The following RBM46 variants were observed in gnomAD, a reference collection of about 807,000 sequenced individuals.
RBM46 encodes the protein RNA binding motif protein 46.
A neutral mutation model predicts 43.3 loss-of-function variants in RBM46; 12 were observed. The ratio of observed to expected loss-of-function variants is 0.28; its 90% CI spans 0.18 to 0.45. The LOEUF (loss-of-function observed/expected upper bound fraction) is 0.45. Ranked by LOEUF, RBM46 falls within the 20% of genes least tolerant of loss-of-function variation. RBM46 has a pLI of 1.00. For missense variants in RBM46, 412 were observed against 639.1 expected, an observed-to-expected ratio of 0.64 and a Z score of 3.83; for synonymous variants, 205 against 207.6, an observed-to-expected ratio of 0.99 and a Z score of 0.11.
intron 4 of RBM46, among the ~76,000 whole-genome samples, chr4:154,810,995 ATACT>A (rs1380345264): frequency 6.6e-6 from 1 of 152,210 alleles, no homozygotes; most frequent in Non-Finnish European, 1.5e-5. Flanking sequence ...CCTTCAACAA[ATACT>A]TACCTAAGGC....
rs536463328 is a variant in RBM46 at position 154,796,728 on chromosome 4, A to T, written c.-11-14A>T. The T allele has an allele frequency of 6.6e-5, 104 of 1,567,820 alleles. 1 individual carries two copies. The highest frequency in any genetic ancestry group is 8.6e-5 in the Non-Finnish European group (99 of 1,151,870). ...TGTTGTAAACTTAACCAGTGTTATT[A>T]AACTTTATTTTAGGAACTGCAACCA... is the stretch of plus-strand genomic sequence containing the variant. On this transcript the variant is annotated splice_polypyrimidine_tract_variant and intron_variant, in intron 1 of 4. Coordinates refer to ENST00000281722, the MANE Select transcript of RBM46 (RefSeq NM_144979.5).
chr4:154,799,498 G>C lies in RBM46; in HGVS notation c.1336G>C (p.Asp446His). The change falls in exon 4 of 5, where the codon GAC becomes CAC. Residue 446 changes from aspartate to histidine, a missense_variant. Asp to His is a moderately conservative substitution (Grantham distance 81). Coordinates refer to ENST00000281722, the MANE Select transcript of RBM46 (RefSeq NM_144979.5). ...ANGSQSYFMP[D>H]KLCTTLEDAK... ...TGGATCCCAGAGTTACTTCATGCCA[G>C]ACAAACTCTGTACTACGTTAGAAGA... The C allele has an allele frequency of 6.2e-7, 1 of 1,612,034 alleles. No homozygotes were observed. The highest frequency in any genetic ancestry group is 1.7e-4 in the Middle Eastern group (1 of 6,054).
intron 4 of RBM46, among the ~76,000 whole-genome samples, chr4:154,822,433 A>C (rs1735761315): frequency 6.6e-6 from 1 of 151,842 alleles, no homozygotes; most frequent in Non-Finnish European, 1.5e-5. Context: ...CTATACTAGA[A>C]TAGAAAGTAC....
intron 1 of RBM46, among the ~76,000 whole-genome samples, chr4:154,786,646 A>C (rs1733784782): frequency 6.6e-6 from 1 of 151,506 alleles, no homozygotes; most frequent in South Asian, 2.1e-4. Context: ...AAAAAACAGT[A>C]GGCCAGGTGC....
chr4:154,794,820 C>T (rs974762895), intron 1 of RBM46, among the ~76,000 whole-genome samples: 3 of 152,098 alleles, frequency 2.0e-5, no homozygotes, highest in African/African-American at 7.2e-5. Context: ...CCCTTGTCAA[C>T]CTTCCACTGA....
chr4:154,803,957 A>T (rs1201312386), intron 4 of RBM46, among the ~76,000 whole-genome samples: 1 of 152,074 alleles, frequency 6.6e-6, no homozygotes, highest in Non-Finnish European at 1.5e-5. Flanking sequence ...CTGTCTTCGC[A>T]ATGGTGAATG....
intron 1 of RBM46, among the ~76,000 whole-genome samples, chr4:154,785,248 GTATGGACTGGCATGT>G (rs1328448805): frequency 1.3e-5 from 2 of 151,950 alleles, no homozygotes; most frequent in Non-Finnish European, 2.9e-5. Context: ...CCTTTAATGT[GTATGGACTGGCATGT>G]TATTTCATTG....
chr4:154,818,632 T>TA (rs1735578014), intron 4 of RBM46, among the ~76,000 whole-genome samples: 1 of 152,214 alleles, frequency 6.6e-6, no homozygotes, highest in South Asian at 2.1e-4. Flanking sequence ...ATTAATGTAT[T>TA]AGTAAGTTCT....
At chr4:154,783,600 A>T (rs1733612951) in intron 1 of RBM46, among the ~76,000 whole-genome samples, 1 of 152,340 alleles carries the variant, frequency 6.6e-6, no homozygotes, top group Non-Finnish European at 1.5e-5. Flanking sequence ...TTGTGTAAGG[A>T]ATGGTGTACT....
chr4:154,802,094 T>TA (rs1176286836), intron 4 of RBM46, among the ~76,000 whole-genome samples: 2 of 152,206 alleles, frequency 1.3e-5, no homozygotes, highest in African/African-American at 2.4e-5. Context: ...ACAAAAAGAT[T>TA]AAACAAAACC....
intron 4 of RBM46, among the ~76,000 whole-genome samples, chr4:154,804,760 AT>A (rs1252799310): frequency 6.7e-6 from 1 of 148,498 alleles, no homozygotes; most frequent in Non-Finnish European, 1.5e-5. Context: ...TGTGCCACTG[AT>A]TTAATTTCAT....
chr4:154,796,636 C>A, intron 1 of RBM46, 106 bp from the exon 2 acceptor site: 1 of 737,576 alleles, frequency 1.4e-6, no homozygotes, highest in Non-Finnish European at 2.1e-6. Context: ...GCTAATCAAA[C>A]ATGCCAGCCA....
chr4:154,812,823 A>G (rs908931685), intron 4 of RBM46, among the ~76,000 whole-genome samples: 29 of 152,150 alleles, frequency 1.9e-4, no homozygotes, highest in Non-Finnish European at 2.9e-5. Context: ...TGCCATGCTC[A>G]TTGGTAGGTC....
chr4:154,798,718 CT>C (rs1734466728), intron 3 of RBM46, 63 bp from the exon 4 acceptor site: 1 of 1,228,978 alleles, frequency 8.1e-7, no homozygotes, highest in African/African-American at 1.6e-5. Flanking sequence ...AACAGTTTTA[CT>C]GAACATCTTT....
intron 1 of RBM46, among the ~76,000 whole-genome samples, chr4:154,796,170 A>C (rs1167945648): frequency 6.6e-6 from 1 of 152,216 alleles, no homozygotes; most frequent in Admixed American, 6.5e-5. Flanking sequence ...CTGTCTCAAA[A>C]AATGAAATAA....
chr4:154,822,064 T>C (rs192299240), intron 4 of RBM46, among the ~76,000 whole-genome samples: 1 of 151,922 alleles, frequency 6.6e-6, no homozygotes, highest in East Asian at 1.9e-4. Context: ...CACTTGAGTT[T>C]TATTTGTTTT....
chr4:154,803,251 C>T (rs1560901993), intron 4 of RBM46, among the ~76,000 whole-genome samples: 1 of 152,040 alleles, frequency 6.6e-6, no homozygotes, highest in South Asian at 2.1e-4. Flanking sequence ...GCAAAATACC[C>T]TTAATAAAAG....
chr4:154,794,558 C>G (rs371425749), intron 1 of RBM46, among the ~76,000 whole-genome samples: 4 of 152,242 alleles, frequency 2.6e-5, no homozygotes, highest in South Asian at 4.2e-4. Flanking sequence ...TACTTGTATG[C>G]TCAGAATCTA....
chr4:154,808,084 T>C (rs1734993940), intron 4 of RBM46, among the ~76,000 whole-genome samples: 1 of 152,064 alleles, frequency 6.6e-6, no homozygotes, highest in South Asian at 2.1e-4. Context: ...GATTAAAAAG[T>C]ATATAAGAGT....
Sources: gnomAD v4.1 joint callset for allele counts (sites outside exome capture counted in the v4.1 genomes callset) on GRCh38, gnomAD v4.1.1 for gene constraint, MANE v1.5 for transcripts, NCBI Gene and HGNC (gene_info 2026-07-23, HGNC 2026-07-21) for gene names.